PTGES: variants seen among roughly 807,000 people sequenced by gnomAD.
PTGES encodes prostaglandin E synthase.
PTGES carries 3 observed loss-of-function variants against 11.8 expected under a neutral mutation model. The ratio of observed to expected loss-of-function variants is 0.25; its 90% CI spans 0.12 to 0.66. The LOEUF is 0.66. Among genes scored for constraint, PTGES ranks in the 30% least tolerant of loss-of-function variants. The pLI, the probability that PTGES is intolerant of heterozygous loss-of-function variation, is 0.82. For synonymous variants in PTGES, 94 were observed against 90.4 expected (o/e 1.04, Z -0.22); for missense variants, 180 against 213.0 (o/e 0.85, Z 0.96).
At chr9:129,747,692 A>C (rs1833060600) in intron 2 of PTGES, among the ~76,000 whole-genome samples, 1 of 152,050 alleles carries the variant, frequency 6.6e-6, no homozygotes, top group African/African-American at 2.4e-5. Flanking sequence ...GGTTTTACTC[A>C]CACATACCCA....
chr9:129,748,957 T>C (rs1325615715), intron 1 of PTGES, among the ~76,000 whole-genome samples: 1 of 152,152 alleles, frequency 6.6e-6, no homozygotes, highest in Non-Finnish European at 1.5e-5. Context: ...CACAGTCCGA[T>C]GGGGGAGTTG....
In PTGES at chr9:129,738,575, T is replaced by A. The variant is rs1027559274; in HGVS notation, c.*1036A>T. ...CTCCCGGTCCTCCACCCACTGCCCT[T>A]TGGAGGGACTCAAACCTTGGGAGGA... is the stretch of plus-strand genomic sequence containing the variant. On this transcript the variant is annotated 3_prime_UTR_variant, in exon 3 of 3. Transcript: ENST00000340607. This position sits in a 1 kb window ranked among gnomAD's most constrained non-coding sequence, Gnocchi z 4.2. 2.0e-5 allele frequency: 3 copies of A among 152,302 alleles called. No individual in the cohort carries two copies. The highest frequency in any genetic ancestry group is 4.4e-5 in the Non-Finnish European group (3 of 68,146). 9.4% of individuals were successfully genotyped at this position (152,302 alleles called of 1,614,324 possible). A position where few individuals can be genotyped will look rare whatever the true frequency, so the allele number is the denominator to read the frequency against.
intron 2 of PTGES, among the ~76,000 whole-genome samples, chr9:129,747,713 T>C (rs1833060779): frequency 6.6e-6 from 1 of 151,638 alleles, no homozygotes; most frequent in Non-Finnish European, 1.5e-5. Flanking sequence ...TAAAGGCAAA[T>C]GAAAAAAGTG....
intron 2 of PTGES, among the ~76,000 whole-genome samples, 197 bp from the exon 3 acceptor site, chr9:129,740,057 C>T (rs1832980494): frequency 6.6e-6 from 1 of 152,014 alleles, no homozygotes; most frequent in Admixed American, 6.6e-5. Context: ...CAAGCTTATG[C>T]TTGCAAGCAG....
rs759436453 is a variant in PTGES at position 129,752,992 on chromosome 9, C to T, written c.21G>A (p.Val7=). 11 of 1,607,764 alleles carry T rather than the reference C, an allele frequency of 6.8e-6. No individual in the cohort carries two copies. The highest frequency in any genetic ancestry group is 5.0e-5 in the Admixed American group (3 of 60,000). MPAHSL[V]MSSPALPAFL... ...AGGCCGGGAGGGCCGGGCTGCTCAT[C>T]ACCAGGCTGTGGGCAGGCATCTCTG... The change falls in exon 1 of 3, where the codon GTG becomes GTA. Residue 7 remains valine, a synonymous_variant. Coordinates refer to ENST00000340607, the MANE Select transcript of PTGES (RefSeq NM_004878.5).
intron 1 of PTGES, among the ~76,000 whole-genome samples, chr9:129,750,401 G>C (rs1401502522): frequency 1.3e-5 from 2 of 152,128 alleles, no homozygotes; most frequent in Non-Finnish European, 2.9e-5. Flanking sequence ...CTCTCTGCTG[G>C]CCCTGAAATC....
intron 2 of PTGES, among the ~76,000 whole-genome samples, chr9:129,741,322 TAA>T (rs1345255702): frequency 6.6e-6 from 1 of 152,214 alleles, no homozygotes; most frequent in East Asian, 1.9e-4. Flanking sequence ...GTGAGGCAGA[TAA>T]GAGAGGGAGA....
At chr9:129,751,891 C>G (rs1833114390) in intron 1 of PTGES, among the ~76,000 whole-genome samples, 1 of 152,214 alleles carries the variant, frequency 6.6e-6, no homozygotes, top group Admixed American at 6.6e-5. Context: ...GGGAAGGATT[C>G]AATGAGTGAA....
Position 129,748,641 on chromosome 9 carries a change from C to A in PTGES, c.209+14G>T. 4.5e-6 allele frequency: 7 copies of A among 1,562,834 alleles called. No homozygotes were observed. Among genetic ancestry groups the A allele is most frequent in the Non-Finnish European group, 6.0e-6 (7 of 1,160,444 alleles). On this transcript the variant is annotated intron_variant, in intron 2 of 2. Transcript: ENST00000340607. ...TGGCCAGGTGTGGCCAGGCCAGGGG[C>A]CCGAAGTACTTGCCTGAGGCAGCGT...
In PTGES at chr9:129,739,354, T is replaced by C; in HGVS notation, c.*257A>G. 1 of 480,944 alleles carries C rather than the reference T, an allele frequency of 2.1e-6. No homozygotes were observed. Among genetic ancestry groups the C allele is most frequent in the Non-Finnish European group, 3.7e-6 (1 of 271,380 alleles). 29.8% of individuals were successfully genotyped at this position (480,944 alleles called of 1,614,324 possible). A position where few individuals can be genotyped will look rare whatever the true frequency, so the allele number is the denominator to read the frequency against. ...TTAGCTGAAGGATTTTCTATCAATCTTCACAATCTGTCTTGAAATGGTTCC... is the reference window on the plus strand; with the variant it reads ...TTAGCTGAAGGATTTTCTATCAATCCTCACAATCTGTCTTGAAATGGTTCC... On this transcript the variant is annotated 3_prime_UTR_variant, in exon 3 of 3. Coordinates refer to ENST00000340607, the MANE Select transcript of PTGES (RefSeq NM_004878.5). This position sits in a 1 kb window ranked among gnomAD's most constrained non-coding sequence, Gnocchi z 5.7.
chr9:129,748,844 G>A (rs1833072875), intron 1 of PTGES, 107 bp from the exon 2 acceptor site: 1 of 882,468 alleles, frequency 1.1e-6, no homozygotes, highest in Non-Finnish European at 1.7e-6. Context: ...CAGAGGTGCA[G>A]TTGCACACAC....
Position 129,738,471 on chromosome 9 carries a change from A to G in PTGES, c.*1140T>C, listed in dbSNP as rs1404906243. Reference sequence around the variant, plus strand: ...CACACACACACACGGATTCCCCATCAAGGGGACATTTGCAGTTTCCAAACC... The same window carrying G: ...CACACACACACACGGATTCCCCATCGAGGGGACATTTGCAGTTTCCAAACC... On this transcript the variant is annotated 3_prime_UTR_variant, in exon 3 of 3. Coordinates refer to ENST00000340607, the MANE Select transcript of PTGES (RefSeq NM_004878.5). This position sits in a 1 kb window ranked among gnomAD's most constrained non-coding sequence, Gnocchi z 4.2. 1 of 151,354 alleles carries G rather than the reference A, an allele frequency of 6.6e-6. No individual in the cohort carries two copies. The highest frequency in any genetic ancestry group is 1.5e-5 in the Non-Finnish European group (1 of 68,538). 9.4% of individuals were successfully genotyped at this position (151,354 alleles called of 1,614,324 possible). A position where few individuals can be genotyped will look rare whatever the true frequency, so the allele number is the denominator to read the frequency against.
At chr9:129,744,571 CAAAAA>C (rs60799589) in intron 2 of PTGES, among the ~76,000 whole-genome samples, 4 of 50,366 alleles carry the variant, frequency 7.9e-5, no homozygotes, top group Admixed American at 4.7e-4. Context: ...GACCCTGTCA[CAAAAA>C]AAAAAAAAAA....
intron 1 of PTGES, among the ~76,000 whole-genome samples, chr9:129,751,378 TG>T (rs980085958): frequency 2.0e-5 from 3 of 148,610 alleles, no homozygotes; most frequent in Admixed American, 2.0e-4. Context: ...GCTGGCCTGC[TG>T]GTAAGAACCC....
intron 2 of PTGES, among the ~76,000 whole-genome samples, chr9:129,741,935 G>A (rs1832998526): frequency 6.6e-6 from 1 of 151,892 alleles, no homozygotes; most frequent in South Asian, 2.1e-4. Context: ...ATAAAAGAGA[G>A]GGAGAAACCA....
rs145683045 is a variant in PTGES, at chr9:129,741,395, G to C, written c.210-1535C>G. ...CCAGCAGGGCCTAGATCTTTCTCAG[G>C]CCAAACTCAGGACACAGCACCTGGC... On this transcript the variant is annotated intron_variant, in intron 2 of 2. Transcript: ENST00000340607. Among the ~76,000 whole-genome samples the C allele has an allele frequency of 9.4e-3, 1,436 of 152,260 alleles. 17 individuals carry two copies. The highest frequency in any genetic ancestry group is 0.048 in the Middle Eastern group (14 of 294).
intron 1 of PTGES, 76 bp downstream of exon 1, chr9:129,752,811 A>C: frequency 6.2e-7 from 1 of 1,604,976 alleles, no homozygotes; most frequent in Non-Finnish European, 8.5e-7. Flanking sequence ...ATGTTTCCCT[A>C]TCCCGGGGCT....
chr9:129,740,088 C>A (rs1310649594), intron 2 of PTGES, among the ~76,000 whole-genome samples: 1 of 152,020 alleles, frequency 6.6e-6, no homozygotes, highest in Admixed American at 6.6e-5. Flanking sequence ...GAGGCCACGT[C>A]ATGGGCTGGG....
intron 2 of PTGES, among the ~76,000 whole-genome samples, chr9:129,743,492 G>T (rs1208137771): frequency 2.6e-5 from 4 of 152,172 alleles, no homozygotes; most frequent in Non-Finnish European, 5.9e-5. Flanking sequence ...CATCAGGCCT[G>T]CCTTCACCCT....
Sources: allele counts gnomAD v4.1 joint callset (sites outside exome capture counted in the v4.1 genomes callset), GRCh38; gene constraint gnomAD v4.1.1; non-coding constraint Gnocchi (gnomAD v3.1); transcripts MANE v1.5; gene names NCBI Gene and HGNC (gene_info 2026-07-23, HGNC 2026-07-21).